RBFOX1: variants seen among roughly 807,000 people sequenced by gnomAD.
RBFOX1 encodes the protein RNA binding fox-1 homolog 1.
RBFOX1 carries 8 observed loss-of-function variants against 57.7 expected under a neutral mutation model. The ratio of observed to expected loss-of-function variants is 0.14; its 90% CI spans 0.08 to 0.25. The LOEUF is 0.25. Ranked by LOEUF, RBFOX1 falls within the 10% of genes least tolerant of loss-of-function variation. RBFOX1 has a pLI of 1.00. For missense variants in RBFOX1, 611 were observed against 548.5 expected, an observed-to-expected ratio of 1.11 and a Z score of -1.14; for synonymous variants, 326 against 222.4, an observed-to-expected ratio of 1.47 and a Z score of -4.15.
At position 7,426,198 on chromosome 16, in the gene RBFOX1, TAAA is replaced by T. The variant is rs578000432; in HGVS notation, c.28-91948_28-91946del. Among the ~76,000 whole-genome samples, 218 of 152,346 alleles carry T rather than the reference TAAA, an allele frequency of 1.4e-3. 1 individual carries two copies. Among genetic ancestry groups the T allele is most frequent in the African/African-American group, 4.9e-3 (205 of 41,592 alleles). ...AGCAAACACAGCCGAAAAGAGCTCT[TAAA>T]GAAGTGATTACAGAGTCATGATTGC... On this transcript the variant is annotated intron_variant, in intron 4 of 15. Transcript: ENST00000550418.
At chr16:7,029,179 CGTGT>C (rs2042060610) in intron 3 of RBFOX1, among the ~76,000 whole-genome samples, 1 of 37,034 alleles carries the variant, frequency 2.7e-5, no homozygotes, top group Non-Finnish European at 7.6e-5. Flanking sequence ...TATACGTATA[CGTGT>C]ATATATACAC....
At chr16:6,586,997 CTTCCCCTGT>C (rs1435636876) in intron 2 of RBFOX1, among the ~76,000 whole-genome samples, 1 of 151,742 alleles carries the variant, frequency 6.6e-6, no homozygotes, top group East Asian at 1.9e-4. Context: ...ACATGCATTA[CTTCCCCTGT>C]TTATTGTGTG....
At chr16:5,240,931 A>G (rs1271298680) in intron 1 of RBFOX1, among the ~76,000 whole-genome samples, 1 of 152,062 alleles carries the variant, frequency 6.6e-6, no homozygotes, top group African/African-American at 2.4e-5. Context: ...CCCCCTGGAG[A>G]GCTGTACCCC....
chr16:7,594,852 G>C (rs930997470), intron 7 of RBFOX1, among the ~76,000 whole-genome samples: 4 of 152,214 alleles, frequency 2.6e-5, no homozygotes, highest in African/African-American at 4.8e-5. Context: ...AGTGGGGAAA[G>C]TATGAGCACA....
chr16:6,203,794 G>A (rs949376785), intron 1 of RBFOX1, among the ~76,000 whole-genome samples: 1 of 152,116 alleles, frequency 6.6e-6, no homozygotes, highest in Admixed American at 6.6e-5. Context: ...CAGTTTGGAG[G>A]TGGCTCAAAA....
chr16:7,142,651 C>T (rs12445853), intron 4 of RBFOX1, among the ~76,000 whole-genome samples: 49,735 of 152,048 alleles, frequency 0.33, 9,912 homozygotes, highest in East Asian at 0.53. Flanking sequence ...TGATTGATAA[C>T]AGTTTAATCA....
intron 1 of RBFOX1, among the ~76,000 whole-genome samples, chr16:6,091,013 A>G (rs2096164255): frequency 6.6e-6 from 1 of 152,218 alleles, no homozygotes. Flanking sequence ...AGGGTATTTA[A>G]GATATTCATC....
At chr16:6,875,129 C>G (rs1325831922) in intron 3 of RBFOX1, among the ~76,000 whole-genome samples, 1 of 152,122 alleles carries the variant, frequency 6.6e-6, no homozygotes, top group African/African-American at 2.4e-5. Flanking sequence ...CCCTAAGTTG[C>G]TTATACCATT....
At chr16:5,823,154 G>C (rs2055914745) in intron 3 of RBFOX1, among the ~76,000 whole-genome samples, 1 of 152,172 alleles carries the variant, frequency 6.6e-6, no homozygotes, top group Non-Finnish European at 1.5e-5. Flanking sequence ...CTGGAGGACT[G>C]TGAGAGTCCT....
In RBFOX1 at chr16:6,815,455, A is replaced by G. The variant is rs375491290; in HGVS notation, c.-16+160805A>G. Among the ~76,000 whole-genome samples the G allele has an allele frequency of 1.4e-4, 21 of 152,294 alleles. No individual in the cohort carries two copies. In the East Asian group the frequency reaches 3.9e-3, roughly 28 times the overall value. On this transcript the variant is annotated intron_variant, in intron 3 of 15. Coordinates refer to ENST00000550418, the MANE Select transcript of RBFOX1 (RefSeq NM_018723.4). ...AGTCACTCTGGTTCAAACACCTCTGACATTCGCAGTGGAATCCATTAAAAG... is the reference window on the plus strand; with the variant it reads ...AGTCACTCTGGTTCAAACACCTCTGGCATTCGCAGTGGAATCCATTAAAAG...
intron 1 of RBFOX1, among the ~76,000 whole-genome samples, chr16:6,146,054 T>G (rs1375787986): frequency 1.3e-5 from 2 of 152,194 alleles, no homozygotes; most frequent in Non-Finnish European, 2.9e-5. Flanking sequence ...TCCAGCTAAT[T>G]GGCTTTACAT....
rs931698273 is a variant in RBFOX1 at position 7,710,888 on chromosome 16, T to C, written c.*143T>C. The C allele has an allele frequency of 6.9e-6, 6 of 870,402 alleles. No homozygotes were observed. The African/African-American group carries it at 1.1e-4, about 15-fold the overall frequency. The allele number at this position is 870,402 out of a possible 1,614,324, so 53.9% of individuals were successfully genotyped here. A position where few individuals can be genotyped will look rare whatever the true frequency, so the allele number is the denominator to read the frequency against. On this transcript the variant is annotated 3_prime_UTR_variant, in exon 16 of 16. Transcript: ENST00000550418. ...AATAAAAAGGAAAAAAAATTACATTTTTTATCTTATACCTCAGATATTTTG... is the reference window on the plus strand; with the variant it reads ...AATAAAAAGGAAAAAAAATTACATTCTTTATCTTATACCTCAGATATTTTG...
intron 2 of RBFOX1, among the ~76,000 whole-genome samples, chr16:6,595,746 A>G (rs1287235509): frequency 1.3e-5 from 2 of 152,052 alleles, no homozygotes; most frequent in African/African-American, 2.4e-5. Flanking sequence ...GACAATAGCC[A>G]TTTTGATAGG....
intron 1 of RBFOX1, among the ~76,000 whole-genome samples, chr16:5,302,319 A>G (rs2063825468): frequency 6.6e-6 from 1 of 152,200 alleles, no homozygotes; most frequent in Non-Finnish European, 1.5e-5. Context: ...AGTATTTTCT[A>G]AGTTTAATGA....
At chr16:5,340,642 C>T (rs900359778) in intron 1 of RBFOX1, among the ~76,000 whole-genome samples, 5 of 152,104 alleles carry the variant, frequency 3.3e-5, no homozygotes, top group African/African-American at 1.2e-4. Flanking sequence ...AGGAAACTTC[C>T]AGTGAAGTTA....
At chr16:7,002,898 C>G (rs1271752224) in intron 3 of RBFOX1, among the ~76,000 whole-genome samples, 3 of 151,952 alleles carry the variant, frequency 2.0e-5, no homozygotes, top group Non-Finnish European at 4.4e-5. Context: ...GGCTAGAAAT[C>G]AGAATAACAC....
intron 3 of RBFOX1, among the ~76,000 whole-genome samples, chr16:6,922,836 C>G (rs1383454367): frequency 1.3e-5 from 2 of 152,136 alleles, no homozygotes; most frequent in South Asian, 4.1e-4. Flanking sequence ...GATGGTGTCA[C>G]AGAGCACATC....
At chr16:6,573,218 A>T (rs2153956099) in intron 2 of RBFOX1, among the ~76,000 whole-genome samples, 1 of 152,250 alleles carries the variant, frequency 6.6e-6, no homozygotes. Flanking sequence ...AGACAACGTT[A>T]AATCAGCCAT....
At chr16:7,536,037 A>G (rs2081384300) in intron 5 of RBFOX1, among the ~76,000 whole-genome samples, 1 of 152,156 alleles carries the variant, frequency 6.6e-6, no homozygotes, top group Non-Finnish European at 1.5e-5. Context: ...ATACACACAC[A>G]CGTCACTCAC....
Sources: allele counts gnomAD v4.1 joint callset (sites outside exome capture counted in the v4.1 genomes callset), GRCh38; gene constraint gnomAD v4.1.1; transcripts MANE v1.5; gene names NCBI Gene and HGNC (gene_info 2026-07-23, HGNC 2026-07-21).